Variants in PLIN2 observed in about 807,000 individuals in gnomAD.
The protein encoded by PLIN2 is perilipin-2.
Under a neutral mutation model 30.6 loss-of-function variants are expected in PLIN2, and 33 were observed. The observed-to-expected ratio is 1.08, with a 90% CI of 0.82 to 1.44. The LOEUF is 1.44. Ranked by LOEUF, PLIN2 falls within the 40% of genes most tolerant of loss-of-function variation. The pLI is 0.00. For synonymous variants in PLIN2, 205 were observed against 201.1 expected, an observed-to-expected ratio of 1.02 and a Z score of -0.16; for missense variants, 610 against 531.8, an observed-to-expected ratio of 1.15 and a Z score of -1.45.
At chr9:19,116,693 T>A in intron 7 of PLIN2, 44 bp from the exon 8 acceptor site, 1 of 1,539,360 alleles carries the variant, frequency 6.5e-7, no homozygotes, top group Non-Finnish European at 8.9e-7. Flanking sequence ...AACAGTGCTA[T>A]GTATAAATTA....
In PLIN2 at chr9:19,120,832, A is replaced by C. The variant is rs768142017; in HGVS notation, c.595+48T>G. The stretch of plus-strand genomic sequence containing the variant: ...AGAGTATATGTCAATGAAGCTGTTT[A>C]AGAAAGATTTAATATAAAACAGTAT... On this transcript the variant is annotated intron_variant, in intron 5 of 7. Transcript: ENST00000276914. The C allele has an allele frequency of 2.5e-5, 36 of 1,448,872 alleles. No individual in the cohort carries two copies. The South Asian group carries it at 3.1e-4, about 13-fold the overall frequency. The allele number at this position is 1,448,872 out of a possible 1,614,324, so 89.8% of individuals were successfully genotyped here.
chr9:19,118,524 A>G (rs550698267), intron 6 of PLIN2, 69 bp from the exon 7 acceptor site: 4 of 1,428,172 alleles, frequency 2.8e-6, no homozygotes, highest in South Asian at 2.6e-5. Flanking sequence ...TTGCAGATGT[A>G]TGATGTAAAT....
At chr9:19,119,971 C>T in intron 5 of PLIN2, 140 bp from the exon 6 acceptor site, 2 of 580,538 alleles carry the variant, frequency 3.4e-6, no homozygotes, top group Admixed American at 3.1e-5. Flanking sequence ...CAAGACTGCT[C>T]ACGTCTGCTG....
chr9:19,118,557 T>A (rs542635217), intron 6 of PLIN2, 102 bp from the exon 7 acceptor site: 1 of 1,004,102 alleles, frequency 1.0e-6, no homozygotes. Flanking sequence ...AAACTAAGAA[T>A]TTCCTGGAGT....
In PLIN2 at chr9:19,119,683, C is replaced by A. The variant is rs777495240; in HGVS notation, c.744G>T (p.Gln248His). The A allele has an allele frequency of 6.2e-7, 1 of 1,607,742 alleles. No individual in the cohort carries two copies. The highest frequency in any genetic ancestry group is 1.1e-5 in the South Asian group (1 of 90,506). ...RVKEAKQKSQ[Q>H]TISQLHSTVH... is the part of the protein sequence containing the mutation. ...CAGTAGAATGGAGCTGAGAAATGGT[C>A]TGTTGGCTTTTTTGCTTAGCTTCTT... The change falls in exon 6 of 8, where the codon CAG becomes CAT. Residue 248 changes from glutamine (Q) to histidine (H), a missense_variant. Coordinates refer to ENST00000276914, the MANE Select transcript of PLIN2 (RefSeq NM_001122.4).
At chr9:19,123,937 T>TG (rs1818358930) in intron 3 of PLIN2, among the ~76,000 whole-genome samples, 1 of 149,172 alleles carries the variant, frequency 6.7e-6, no homozygotes, top group Admixed American at 6.8e-5. Context: ...GAGAATCGCT[T>TG]GAACTCAGGA....
chr9:19,118,658 A>G (rs1818267820), intron 6 of PLIN2, among the ~76,000 whole-genome samples: 1 of 152,192 alleles, frequency 6.6e-6, no homozygotes, highest in South Asian at 2.1e-4. Flanking sequence ...CCTCTATTTA[A>G]CTATTAAATC....
downstream of PLIN2, among the ~76,000 whole-genome samples, chr9:19,111,623 G>T (rs535282919): frequency 6.6e-6 from 1 of 151,990 alleles, no homozygotes; most frequent in South Asian, 2.1e-4. Context: ...TAAAACTAAG[G>T]TTTTAGAAGT....
At chr9:19,117,870 G>A (rs1818254475) in intron 7 of PLIN2, among the ~76,000 whole-genome samples, 2 of 152,120 alleles carry the variant, frequency 1.3e-5, no homozygotes, top group South Asian at 4.1e-4. Context: ...ACCCGCCTCG[G>A]CCTCCCAAAG....
intron 4 of PLIN2, chr9:19,123,278 C>A: frequency 7.8e-7 from 1 of 1,287,424 alleles, no homozygotes; most frequent in Non-Finnish European, 1.1e-6. Context: ...ACAAGACAAT[C>A]AGTTACTTGA....
downstream of PLIN2, among the ~76,000 whole-genome samples, chr9:19,111,113 A>G (rs1330877685): frequency 1.3e-5 from 2 of 151,684 alleles, no homozygotes; most frequent in Non-Finnish European, 2.9e-5. Flanking sequence ...GCTGGAGTGC[A>G]GTGATGCCAT....
chr9:19,125,872 A>C (rs751461390), intron 3 of PLIN2: 1 of 387,016 alleles, frequency 2.6e-6, no homozygotes, highest in Non-Finnish European at 4.7e-6. Context: ...GCAGTGAGCC[A>C]AGACTGCGCC....
At chr9:19,109,153 T>A (rs1174087374) in intron 2 of PLIN2, among the ~76,000 whole-genome samples, 1 of 152,180 alleles carries the variant, frequency 6.6e-6, no homozygotes, top group Non-Finnish European at 1.5e-5. Context: ...AAACCCTACC[T>A]CTTCCCTGCA....
intron 2 of PLIN2, among the ~76,000 whole-genome samples, chr9:19,109,959 GA>G (rs74512950): frequency 0.068 from 9,685 of 141,688 alleles, 337 homozygotes; most frequent in African/African-American, 0.088. Flanking sequence ...CTGTTTACAG[GA>G]AAAAAAAAAA....
chr9:19,112,623 G>C (rs555701158), downstream of PLIN2, among the ~76,000 whole-genome samples: 5 of 149,680 alleles, frequency 3.3e-5, no homozygotes, highest in East Asian at 9.9e-4. Flanking sequence ...AGGGAGAATC[G>C]ATTGAGCCTG....
At position 19,125,976 on chromosome 9, in the gene PLIN2, A is replaced by C. The variant is rs1588648542; in HGVS notation, c.226+138T>G. The stretch of plus-strand genomic sequence containing the variant: ...AAGAAACAGTCCTCTTACGGTAATG[A>C]GGGTCACCTGAAAGTTTCTAGGTAA... On this transcript the variant is annotated intron_variant, in intron 3 of 7. Coordinates refer to ENST00000276914, the MANE Select transcript of PLIN2 (RefSeq NM_001122.4). The C allele has an allele frequency of 8.0e-6, 5 of 627,736 alleles. No individual in the cohort carries two copies. In the East Asian group the frequency reaches 1.3e-4, roughly 17 times the overall value. The allele number at this position is 627,736 out of a possible 1,614,324, so 38.9% of individuals were successfully genotyped here.
rs1257769605 is a variant in PLIN2, at chr9:19,115,816, G to A, written c.*432C>T. 6.3e-6 allele frequency: 1 copy of A among 158,650 alleles called. No homozygotes were observed. Among genetic ancestry groups the A allele is most frequent in the Non-Finnish European group, 1.4e-5 (1 of 71,994 alleles). 9.8% of individuals were successfully genotyped at this position (158,650 alleles called of 1,614,324 possible). ...GAATTCAAAGGTAGTATTCCTATTT[G>A]AGAAATGAAAAACTAAAATCAAGTT... On this transcript the variant is annotated 3_prime_UTR_variant, in exon 8 of 8. Transcript: ENST00000276914.
At chr9:19,113,288 C>T (rs1818180436), downstream of PLIN2, among the ~76,000 whole-genome samples, 1 of 151,694 alleles carries the variant, frequency 6.6e-6, no homozygotes, top group South Asian at 2.1e-4. Context: ...GAGCTGAGAC[C>T]ACACCATCAC....
rs770820173 is a variant in PLIN2 at position 19,119,691 on chromosome 9, T to G, written c.736A>C (p.Ser246Arg). 6.2e-7 allele frequency: 1 copy of G among 1,608,304 alleles called. No homozygotes were observed. Among genetic ancestry groups the G allele is most frequent in the Admixed American group, 1.7e-5 (1 of 59,526 alleles). ...TGGAGCTGAGAAATGGTCTGTTGGC[T>G]TTTTTGCTTAGCTTCTTTAACCCTG... Reference protein sequence around the residue: ...LSRVKEAKQKSQQTISQLHST... With the variant: ...LSRVKEAKQKRQQTISQLHST... Residue 246 changes from serine (S) to arginine (R), a missense_variant, in exon 6 of 8, where the codon AGC becomes CGC. By Grantham distance (110) the Ser-to-Arg change is moderately radical. Coordinates refer to ENST00000276914, the MANE Select transcript of PLIN2 (RefSeq NM_001122.4).
Sources: gnomAD v4.1 joint callset for allele counts (sites outside exome capture counted in the v4.1 genomes callset) on GRCh38, gnomAD v4.1.1 for gene constraint, MANE v1.5 for transcripts, NCBI Gene and HGNC (gene_info 2026-07-23, HGNC 2026-07-21) for gene names.